Variants in GLI3 observed in about 807,000 individuals in gnomAD.
The protein encoded by GLI3 is transcription activator GLI3.
Under a neutral mutation model 100.8 loss-of-function variants are expected in GLI3, and 20 were observed. The observed-to-expected ratio is 0.20, with a 90% CI of 0.14 to 0.29. GLI3 has a LOEUF of 0.29. Among genes scored for constraint, GLI3 ranks in the 10% least tolerant of loss-of-function variants. The probability of loss-of-function intolerance (pLI) is 1.00; values close to 1 mark genes in which losing one functional copy is unlikely to be tolerated. For synonymous variants in GLI3, 938 were observed against 860.5 expected, an observed-to-expected ratio of 1.09 and a Z score of -1.58; for missense variants, 2,040 against 2,128.5, an observed-to-expected ratio of 0.96 and a Z score of 0.82.
chr7:42,084,326 G>C (rs846294), intron 3 of GLI3, among the ~76,000 whole-genome samples: 51,709 of 152,126 alleles, frequency 0.34, 9,035 homozygotes, highest in Middle Eastern at 0.38. Flanking sequence ...AGAAACCTCT[G>C]CCTTTACTGC....
At chr7:42,131,665 A>G (rs1054540313) in intron 3 of GLI3, among the ~76,000 whole-genome samples, 1 of 152,224 alleles carries the variant, frequency 6.6e-6, no homozygotes, top group African/African-American at 2.4e-5. Context: ...CCCTGACACT[A>G]TAATAGAAAA....
intron 10 of GLI3, among the ~76,000 whole-genome samples, chr7:41,990,369 G>A (rs960975826): frequency 6.6e-6 from 1 of 152,126 alleles, no homozygotes; most frequent in Non-Finnish European, 1.5e-5. Context: ...TGAACATGCA[G>A]TGTGATTCCA....
intron 3 of GLI3, chr7:42,145,467 T>C (rs559560750): frequency 2.5e-4 from 99 of 398,382 alleles, no homozygotes; most frequent in African/African-American, 1.8e-3. Flanking sequence ...GTCGATCTAC[T>C]GAGGTTGACT....
upstream of GLI3, among the ~76,000 whole-genome samples, chr7:42,238,778 A>T (rs1394988137): frequency 6.6e-6 from 1 of 152,210 alleles, no homozygotes; most frequent in African/African-American, 2.4e-5. Context: ...CACAGGAAGA[A>T]AAAGAAAGAA....
rs771223339 is a variant in GLI3, at chr7:42,026,427, T to A, written c.1029-15A>T. The A allele has an allele frequency of 4.4e-6, 7 of 1,602,322 alleles. No individual in the cohort carries two copies. The African/African-American group carries it at 5.4e-5, about 12-fold the overall frequency. ...TCAAGGCAGGGCTGCACGGGGGAGATAAAAAAAGACGATCATCACTTAAAC... is the reference window on the plus strand; with the variant it reads ...TCAAGGCAGGGCTGCACGGGGGAGAAAAAAAAAGACGATCATCACTTAAAC... On this transcript the variant is annotated splice_polypyrimidine_tract_variant and intron_variant, in intron 7 of 14. Coordinates refer to ENST00000395925, the MANE Select transcript of GLI3 (RefSeq NM_000168.6).
intron 1 of GLI3, among the ~76,000 whole-genome samples, chr7:42,250,616 G>A (rs1789020797): frequency 6.6e-6 from 1 of 152,136 alleles, no homozygotes; most frequent in Non-Finnish European, 1.5e-5. Flanking sequence ...CATTGCTGGA[G>A]CCTTGGGAAA....
At chr7:42,252,684 G>C (rs1789046568) in intron 1 of GLI3, among the ~76,000 whole-genome samples, 1 of 152,084 alleles carries the variant, frequency 6.6e-6, no homozygotes, top group Admixed American at 6.5e-5. Flanking sequence ...AAGTATTAAA[G>C]AAGATACTAA....
intron 2 of GLI3, among the ~76,000 whole-genome samples, chr7:42,188,490 G>A (rs1787763867): frequency 6.6e-6 from 1 of 152,124 alleles, no homozygotes; most frequent in Non-Finnish European, 1.5e-5. Context: ...CAAAAAATCA[G>A]CTACAAGGAT....
At chr7:42,025,207 C>G (rs1789074931) in intron 9 of GLI3, 57 bp downstream of exon 9, 2 of 1,190,196 alleles carry the variant, frequency 1.7e-6, no homozygotes, top group Non-Finnish European at 2.5e-6. Flanking sequence ...GGAGCTGACC[C>G]AAAGACACCA....
intron 3 of GLI3, among the ~76,000 whole-genome samples, chr7:42,097,722 G>A (rs1162633670): frequency 6.6e-6 from 1 of 152,218 alleles, no homozygotes; most frequent in Non-Finnish European, 1.5e-5. Flanking sequence ...TCTCTGTCCT[G>A]AAGTGAGTAA....
At chr7:42,210,340 C>G (rs1276666925) in intron 2 of GLI3, among the ~76,000 whole-genome samples, 1 of 9,696 alleles carries the variant, frequency 1.0e-4, no homozygotes, top group Non-Finnish European at 2.9e-4. Flanking sequence ...AAATGAAAGC[C>G]CCCCCCCCCC....
intron 7 of GLI3, among the ~76,000 whole-genome samples, chr7:42,035,247 G>C (rs567735246): frequency 6.6e-6 from 1 of 152,152 alleles, no homozygotes; most frequent in Non-Finnish European, 1.5e-5. Flanking sequence ...TCTGACATAA[G>C]CAAGGTGTTT....
At chr7:42,211,315 A>C (rs1788269815) in intron 2 of GLI3, among the ~76,000 whole-genome samples, 1 of 152,180 alleles carries the variant, frequency 6.6e-6, no homozygotes, top group African/African-American at 2.4e-5. Context: ...TGCTAAGTAA[A>C]CTCTATTTAT....
intron 10 of GLI3, among the ~76,000 whole-genome samples, chr7:41,982,711 A>G (rs1205684758): frequency 6.6e-6 from 1 of 152,018 alleles, no homozygotes; most frequent in Non-Finnish European, 1.5e-5. Flanking sequence ...AAAAAAAAAA[A>G]AAAAGAAAAT....
At chr7:42,062,946 A>G (rs1257005275) in intron 4 of GLI3, among the ~76,000 whole-genome samples, 4 of 152,162 alleles carry the variant, frequency 2.6e-5, no homozygotes, top group Admixed American at 2.6e-4. Flanking sequence ...TAAAATCGCT[A>G]AACTGTATTG....
chr7:42,257,605 A>T (rs1789098512), intron 1 of GLI3, among the ~76,000 whole-genome samples: 1 of 151,994 alleles, frequency 6.6e-6, no homozygotes, highest in African/African-American at 2.4e-5. Flanking sequence ...CGGGCTCCCA[A>T]AGTGCTGGGA....
intron 3 of GLI3, among the ~76,000 whole-genome samples, chr7:42,122,225 TTA>T (rs59833287): frequency 7.3e-6 from 1 of 137,384 alleles, no homozygotes; most frequent in Non-Finnish European, 1.5e-5. Context: ...AATTTATATT[TTA>T]TATATATGTA....
Position 42,257,678 on chromosome 7 carries a change from T to C in GLI3, c.-43+6316A>G, listed in dbSNP as rs907815082. ...TTTTACTGTTAAAAATGCTGTTAGA[T>C]GTGGATATTTCACAGATTCCCTTTA... On this transcript the variant is annotated intron_variant, in intron 1 of 2. Coordinates refer to the GLI3 transcript ENST00000678978. Among the ~76,000 whole-genome samples, 52 of 152,230 alleles carry C rather than the reference T, an allele frequency of 3.4e-4. No individual in the cohort carries two copies. In the Middle Eastern group the frequency reaches 0.01, roughly 30 times the overall value.
chr7:41,967,448 G>T, intron 14 of GLI3, 148 bp downstream of exon 14: 2 of 695,030 alleles, frequency 2.9e-6, no homozygotes, highest in African/African-American at 1.8e-5. Context: ...ATCCCAAAAG[G>T]CAACTTGAAT....
Sources: allele counts gnomAD v4.1 joint callset (sites outside exome capture counted in the v4.1 genomes callset), GRCh38; gene constraint gnomAD v4.1.1; transcripts MANE v1.5; gene names NCBI Gene and HGNC (gene_info 2026-07-23, HGNC 2026-07-21).